Variants in GRM1 observed in about 807,000 individuals in gnomAD.
The protein encoded by GRM1 is metabotropic glutamate receptor 1.
A neutral mutation model predicts 90.9 loss-of-function variants in GRM1; 33 were observed. That is an observed-to-expected ratio of 0.36 (90% CI 0.28 to 0.49). The LOEUF is 0.49. Among genes scored for constraint, GRM1 ranks in the 20% least tolerant of loss-of-function variants. The pLI, the probability that GRM1 is intolerant of heterozygous loss-of-function variation, is 0.99. For missense variants in GRM1, 1,190 were observed against 1,534.3 expected, an observed-to-expected ratio of 0.78 and a Z score of 3.75; for synonymous variants, 700 against 613.2, an observed-to-expected ratio of 1.14 and a Z score of -2.09.
chr6:146,408,856 G>A (rs1389244494), intron 7 of GRM1, among the ~76,000 whole-genome samples: 1 of 152,082 alleles, frequency 6.6e-6, no homozygotes, highest in African/African-American at 2.4e-5. Flanking sequence ...AGTGTAAAGT[G>A]TTATCAACTT....
intron 3 of GRM1, among the ~76,000 whole-genome samples, chr6:146,306,466 TG>T (rs911310485): frequency 1.3e-5 from 2 of 152,162 alleles, no homozygotes; most frequent in African/African-American, 2.4e-5. Flanking sequence ...ACTTAGTATT[TG>T]GTAATATATT....
intron 7 of GRM1, among the ~76,000 whole-genome samples, chr6:146,408,665 T>C (rs17076023): frequency 0.013 from 1,937 of 152,282 alleles, 46 homozygotes; most frequent in African/African-American, 0.045. Flanking sequence ...TTCATTATAT[T>C]CGTGCTATAA....
At chr6:146,382,690 A>G (rs960802053) in intron 5 of GRM1, among the ~76,000 whole-genome samples, 1 of 152,184 alleles carries the variant, frequency 6.6e-6, no homozygotes, top group Non-Finnish European at 1.5e-5. Context: ...AAGTGAATAC[A>G]TGACTGAAGA....
At chr6:146,329,648 T>C (rs1171703634) in intron 3 of GRM1, among the ~76,000 whole-genome samples, 3 of 152,190 alleles carry the variant, frequency 2.0e-5, no homozygotes, top group Admixed American at 6.5e-5. Context: ...CTTATGATGG[T>C]ATTACATCCT....
At chr6:146,194,221 C>T (rs895014404) in intron 2 of GRM1, among the ~76,000 whole-genome samples, 2 of 152,086 alleles carry the variant, frequency 1.3e-5, no homozygotes, top group Non-Finnish European at 2.9e-5. Flanking sequence ...GTCCAGTTTC[C>T]TGCTATCTCC....
intron 6 of GRM1, among the ~76,000 whole-genome samples, chr6:146,397,055 G>A (rs528677908): frequency 1.3e-5 from 2 of 152,126 alleles, no homozygotes; most frequent in South Asian, 2.1e-4. Context: ...GGCACGAGGG[G>A]GTCCAGTGAG....
intron 1 of GRM1, among the ~76,000 whole-genome samples, chr6:146,148,722 A>C (rs1169568967): frequency 2.0e-5 from 3 of 152,214 alleles, no homozygotes; most frequent in Admixed American, 2.0e-4. Flanking sequence ...TACCAAAAAG[A>C]TGAGAAAAAT....
rs374804458 is a variant in GRM1, at chr6:146,029,723, A to T, written c.206A>T (p.Glu69Val). The T allele has an allele frequency of 1.2e-6, 2 of 1,613,908 alleles. No homozygotes were observed. The highest frequency in any genetic ancestry group is 1.7e-6 in the Non-Finnish European group (2 of 1,179,964). ...AEKVPERKCGEIREQYGIQRV... is the reference protein window; with the variant it reads ...AEKVPERKCGVIREQYGIQRV... ...AAAGTGCCCGAGAGGAAGTGTGGGGAGATCAGGGAGCAGTATGGCATCCAG... is the reference window on the plus strand; with the variant it reads ...AAAGTGCCCGAGAGGAAGTGTGGGGTGATCAGGGAGCAGTATGGCATCCAG... The change falls in exon 1 of 8, where the codon GAG (glutamate) becomes GTG (valine). Residue 69 changes from glutamate (E) to valine (V), a missense_variant. Coordinates refer to ENST00000282753, the MANE Select transcript of GRM1 (RefSeq NM_001278064.2).
At chr6:146,349,044 CTATTATTATTATTATTAT>C (rs71028388) in intron 3 of GRM1, among the ~76,000 whole-genome samples, 5 of 141,538 alleles carry the variant, frequency 3.5e-5, no homozygotes, top group Non-Finnish European at 6.1e-5. Flanking sequence ...GAAGTGGTAG[CTATTATTATTATTATTAT>C]TATTATTATT....
At chr6:146,352,086 A>G (rs1160118593) in intron 3 of GRM1, among the ~76,000 whole-genome samples, 164 bp from the exon 4 acceptor site, 1 of 152,242 alleles carries the variant, frequency 6.6e-6, no homozygotes, top group East Asian at 1.9e-4. Context: ...GGAATCTGCT[A>G]GAGCTAGCCA....
chr6:146,136,854 T>A (rs1583054743), intron 1 of GRM1, among the ~76,000 whole-genome samples: 1 of 143,718 alleles, frequency 7.0e-6, no homozygotes, highest in South Asian at 2.3e-4. Context: ...AGAAGCTTTT[T>A]TTTTTTTTTT....
chr6:146,345,114 A>C (rs545678949), intron 3 of GRM1, among the ~76,000 whole-genome samples: 1 of 152,306 alleles, frequency 6.6e-6, no homozygotes, highest in South Asian at 2.1e-4. Context: ...CCCAGCCAAA[A>C]TCCACAGTAT....
chr6:146,202,591 C>T (rs902029153), intron 2 of GRM1, among the ~76,000 whole-genome samples: 1 of 152,084 alleles, frequency 6.6e-6, no homozygotes, highest in African/African-American at 2.4e-5. Context: ...TTATGTTAAC[C>T]TGAGCTGGTT....
chr6:146,251,426 A>G (rs972370162), intron 2 of GRM1, among the ~76,000 whole-genome samples: 5 of 152,216 alleles, frequency 3.3e-5, no homozygotes, highest in African/African-American at 1.2e-4. Context: ...CATCAGTGCC[A>G]CATTCACAAA....
intron 2 of GRM1, among the ~76,000 whole-genome samples, chr6:146,185,011 C>T (rs946873520): frequency 6.6e-6 from 1 of 152,162 alleles, no homozygotes; most frequent in Non-Finnish European, 1.5e-5. Flanking sequence ...TAGTAACAAA[C>T]ATGTAATATC....
intron 7 of GRM1, among the ~76,000 whole-genome samples, chr6:146,420,517 G>T (rs1777954805): frequency 6.6e-6 from 1 of 152,210 alleles, no homozygotes. Context: ...CTACTTAGGA[G>T]AGGAAATGGT....
chr6:146,194,956 A>C (rs1240258555), intron 2 of GRM1, among the ~76,000 whole-genome samples: 1 of 152,226 alleles, frequency 6.6e-6, no homozygotes, highest in East Asian at 1.9e-4. Flanking sequence ...TTGGTTTATT[A>C]CATCATTGTT....
At chr6:146,190,725 T>A (rs773380148) in intron 2 of GRM1, among the ~76,000 whole-genome samples, 1 of 152,188 alleles carries the variant, frequency 6.6e-6, no homozygotes, top group Admixed American at 6.5e-5. Flanking sequence ...CTCATCTCCA[T>A]CCGTATTGCC....
intron 2 of GRM1, among the ~76,000 whole-genome samples, chr6:146,294,014 A>T (rs969298708): frequency 5.3e-5 from 8 of 151,796 alleles, no homozygotes; most frequent in African/African-American, 1.7e-4. Flanking sequence ...CATGACAATA[A>T]TCTCAGAGGA....
Sources: gnomAD v4.1 joint callset for allele counts (sites outside exome capture counted in the v4.1 genomes callset) on GRCh38, gnomAD v4.1.1 for gene constraint, MANE v1.5 for transcripts, NCBI Gene and HGNC (gene_info 2026-07-23, HGNC 2026-07-21) for gene names.